GRM1: variants seen among roughly 807,000 people sequenced by gnomAD.
The protein encoded by GRM1 is glutamate metabotropic receptor 1.
A neutral mutation model predicts 90.9 loss-of-function variants in GRM1; 33 were observed. The observed-to-expected ratio is 0.36, with a 90% CI of 0.28 to 0.49. GRM1 has a LOEUF of 0.49. Among genes scored for constraint, GRM1 ranks in the 20% least tolerant of loss-of-function variants. GRM1 has a pLI of 0.99. For missense variants in GRM1, 1,190 were observed against 1,534.3 expected (o/e 0.78, Z 3.75); for synonymous variants, 700 against 613.2 (o/e 1.14, Z -2.09).
intron 3 of GRM1, among the ~76,000 whole-genome samples, chr6:146,332,804 C>T (rs573722557): frequency 3.3e-4 from 51 of 152,278 alleles, no homozygotes; most frequent in African/African-American, 1.2e-3. Flanking sequence ...TCCTCAAAAT[C>T]ACTTTTTAAA....
At chr6:146,426,567 A>G (rs1031395476) in intron 7 of GRM1, 42 of 1,612,660 alleles carry the variant, frequency 2.6e-5, no homozygotes, top group Non-Finnish European at 3.6e-5. Flanking sequence ...AGGAAGAGGC[A>G]GCCAGAATTC....
intron 1 of GRM1, among the ~76,000 whole-genome samples, chr6:146,040,058 A>G (rs971938994): frequency 6.6e-6 from 1 of 152,052 alleles, no homozygotes; most frequent in African/African-American, 2.4e-5. Flanking sequence ...GGGGTAAGAT[A>G]TAAAACACAA....
chr6:146,367,329 T>C (rs1775728367), intron 5 of GRM1, among the ~76,000 whole-genome samples: 1 of 152,212 alleles, frequency 6.6e-6, no homozygotes, highest in Non-Finnish European at 1.5e-5. Flanking sequence ...TGAAGTCAGA[T>C]AGTGTGATGT....
At chr6:146,270,047 A>G (rs1782056024) in intron 2 of GRM1, among the ~76,000 whole-genome samples, 1 of 152,032 alleles carries the variant, frequency 6.6e-6, no homozygotes, top group Non-Finnish European at 1.5e-5. Flanking sequence ...CTAAGTTTAC[A>G]TATTTTTTGC....
At chr6:146,095,372 C>A (rs1237242872) in intron 1 of GRM1, among the ~76,000 whole-genome samples, 1 of 152,052 alleles carries the variant, frequency 6.6e-6, no homozygotes, top group Non-Finnish European at 1.5e-5. Context: ...GCATTCTTAG[C>A]TATTTAGTGA....
rs1777088145 is a variant in GRM1 at position 146,399,751 on chromosome 6, T to TC, written c.2660+52_2660+53insC. On this transcript the variant is annotated intron_variant, in intron 7 of 7. Transcript: ENST00000282753. The surrounding 1 kb of genome is among the most constrained non-coding windows in gnomAD (Gnocchi z 5.4). ...CTTTTCTCTTCCTTTCTCTGTCTCT[T>TC]TCTCTCTCTCTCTCTCTCTCTCTTT... The TC allele has an allele frequency of 2.0e-5, 21 of 1,063,440 alleles. No homozygotes were observed. In the African/African-American group the frequency reaches 2.8e-4, roughly 14 times the overall value. 65.9% of individuals were successfully genotyped at this position (1,063,440 alleles called of 1,614,324 possible).
chr6:146,153,318 G>T lies in GRM1; in HGVS notation c.701-6030G>T, dbSNP rs554496089. Among the ~76,000 whole-genome samples, 3 of 152,262 alleles carry T rather than the reference G, an allele frequency of 2.0e-5. No homozygotes were observed. In the South Asian group the frequency reaches 6.2e-4, roughly 32 times the overall value. On this transcript the variant is annotated intron_variant, in intron 1 of 7. Transcript: ENST00000282753. ...AGGTGGTTTCCTTTTCAGTTTGTAT[G>T]CTCTTTGCATCTAACACTGTTGTCA...
At chr6:146,190,714 C>T (rs1778908515) in intron 2 of GRM1, among the ~76,000 whole-genome samples, 1 of 152,136 alleles carries the variant, frequency 6.6e-6, no homozygotes, top group South Asian at 2.1e-4. Context: ...GGCTCTGTCT[C>T]CTCATCTCCA....
chr6:146,172,704 A>C (rs1351605413), intron 2 of GRM1, among the ~76,000 whole-genome samples: 1 of 152,186 alleles, frequency 6.6e-6, no homozygotes, highest in Non-Finnish European at 1.5e-5. Context: ...GGTTGGGATG[A>C]GGGCACTATA....
chr6:146,169,827 G>GGC (rs1455477564), intron 2 of GRM1, among the ~76,000 whole-genome samples: 3 of 152,148 alleles, frequency 2.0e-5, no homozygotes, highest in Non-Finnish European at 2.9e-5. Flanking sequence ...AGTTGTTGAA[G>GGC]GCAGGAGGCC....
chr6:146,316,762 CG>C (rs1199319658), intron 3 of GRM1, among the ~76,000 whole-genome samples: 3 of 151,662 alleles, frequency 2.0e-5, no homozygotes, highest in African/African-American at 7.3e-5. Flanking sequence ...TTTTGAGGGC[CG>C]GGGGACTGTC....
rs1778906463 is a variant in GRM1, at chr6:146,190,694, A to G, written c.950+31097A>G. ...ATGTTTTGTTGTTTTTACCTCTTCA[A>G]TGGTTTTTTGGCTCTGTCTCCTCAT... On this transcript the variant is annotated intron_variant, in intron 2 of 7. Coordinates refer to ENST00000282753, the MANE Select transcript of GRM1 (RefSeq NM_001278064.2). 2.0e-5 allele frequency among the ~76,000 whole-genome samples: 3 copies of G among 152,132 alleles called. No homozygotes were observed. In the South Asian group the frequency reaches 6.2e-4, roughly 31 times the overall value.
At chr6:146,206,533 T>C (rs1779499204) in intron 2 of GRM1, among the ~76,000 whole-genome samples, 1 of 152,188 alleles carries the variant, frequency 6.6e-6, no homozygotes, top group Non-Finnish European at 1.5e-5. Context: ...CATTCTTGTA[T>C]TCTCTGTCTC....
chr6:146,099,084 A>G (rs961595363), intron 1 of GRM1, among the ~76,000 whole-genome samples: 2 of 152,202 alleles, frequency 1.3e-5, no homozygotes, highest in African/African-American at 4.8e-5. Context: ...ACAAATAACT[A>G]TAAAGCAAAT....
intron 1 of GRM1, among the ~76,000 whole-genome samples, chr6:146,119,855 A>G (rs1342564501): frequency 1.3e-5 from 2 of 152,152 alleles, no homozygotes; most frequent in Admixed American, 6.5e-5. Flanking sequence ...CTTGTAGTAT[A>G]GTTTGAAGTC....
intron 3 of GRM1, among the ~76,000 whole-genome samples, chr6:146,322,318 C>T (rs1784222568): frequency 6.6e-6 from 1 of 152,174 alleles, no homozygotes; most frequent in East Asian, 1.9e-4. Context: ...GAGCTCTCCT[C>T]TATGGCTGTC....
chr6:146,375,294 A>G (rs1374396573), intron 5 of GRM1, among the ~76,000 whole-genome samples: 2 of 152,008 alleles, frequency 1.3e-5, no homozygotes, highest in African/African-American at 2.4e-5. Flanking sequence ...GACATAATGT[A>G]TGATCTATCC....
chr6:146,377,673 CA>C (rs1776155504), intron 5 of GRM1, among the ~76,000 whole-genome samples: 1 of 152,132 alleles, frequency 6.6e-6, no homozygotes, highest in East Asian at 1.9e-4. Context: ...ATGAGTAGCC[CA>C]ATGCTAATCA....
chr6:146,086,897 A>C (rs1582983519), intron 1 of GRM1, among the ~76,000 whole-genome samples: 1 of 152,262 alleles, frequency 6.6e-6, no homozygotes, highest in Non-Finnish European at 1.5e-5. Context: ...TCAGGGAGAT[A>C]AATGGCAGCA....
Sources: allele counts gnomAD v4.1 joint callset (sites outside exome capture counted in the v4.1 genomes callset), GRCh38; gene constraint gnomAD v4.1.1; non-coding constraint Gnocchi (gnomAD v3.1); transcripts MANE v1.5; gene names NCBI Gene and HGNC (gene_info 2026-07-23, HGNC 2026-07-21).